SNED1: variants seen among roughly 807,000 people sequenced by gnomAD.
SNED1 encodes the protein sushi, nidogen and EGF-like domain-containing protein 1.
A neutral mutation model predicts 166.7 loss-of-function variants in SNED1; 81 were observed. That is an observed-to-expected ratio of 0.49 (90% CI 0.41 to 0.58). The LOEUF is 0.58. Ranked by LOEUF, SNED1 falls within the 20% of genes least tolerant of loss-of-function variation. The probability of loss-of-function intolerance (pLI) is 0.00; values close to 1 mark genes in which losing one functional copy is unlikely to be tolerated. For synonymous variants in SNED1, 762 were observed against 822.0 expected (o/e 0.93, Z 1.25); for missense variants, 1,604 against 2,000.2 (o/e 0.80, Z 3.78).
intron 6 of SNED1, among the ~76,000 whole-genome samples, chr2:241,038,808 C>A (rs776616266): frequency 6.6e-6 from 1 of 152,214 alleles, no homozygotes. Context: ...TCTCCCTGTG[C>A]GGTGCTGGCC....
chr2:241,089,162 C>A, intron 31 of SNED1: 1 of 798,302 alleles, frequency 1.3e-6, no homozygotes, highest in Non-Finnish European at 1.9e-6. Flanking sequence ...AAGCCATCTA[C>A]AACCTGTTAC....
chr2:241,058,363 T>C (rs529811898), intron 16 of SNED1, among the ~76,000 whole-genome samples: 4 of 152,140 alleles, frequency 2.6e-5, no homozygotes, highest in Non-Finnish European at 5.9e-5. Context: ...ATTAATTAAA[T>C]GTCTGACTTC....
intron 6 of SNED1, among the ~76,000 whole-genome samples, chr2:241,038,837 G>A (rs1385021243): frequency 6.6e-6 from 1 of 152,230 alleles, no homozygotes; most frequent in Non-Finnish European, 1.5e-5. Context: ...GGCTGCGGGA[G>A]GACCCAGGCC....
rs574928163 is a variant in SNED1 at position 241,053,262 on chromosome 2, C to G, written c.2193C>G (p.Ser731Arg). The change falls in exon 16 of 32, where the codon AGC (serine) becomes AGG (arginine). Residue 731 changes from serine (S) to arginine (R), a missense_variant. This residue lies in a region of SNED1 where 1,237 missense variants were observed against 1,620.8 expected (regional missense o/e 0.76). Transcript: ENST00000310397. ...LYACDRGYSL[S>R]APSRIRVCQP... is the part of the protein sequence containing the mutation. The stretch of plus-strand genomic sequence containing the variant: ...CATGTGACCGTGGCTACAGCCTGAG[C>G]GCCCCCAGCCGCATCCGGGTCTGCC... 6.2e-7 allele frequency: 1 copy of G among 1,602,528 alleles called. No homozygotes were observed. The highest frequency in any genetic ancestry group is 8.5e-7 in the Non-Finnish European group (1 of 1,174,900).
At chr2:241,026,154 T>G (rs2060963028) in intron 1 of SNED1, among the ~76,000 whole-genome samples, 1 of 151,662 alleles carries the variant, frequency 6.6e-6, no homozygotes, top group Non-Finnish European at 1.5e-5. Flanking sequence ...TAGCTGGGAT[T>G]ACAGGCACCC....
rs748323940 is a variant in SNED1, at chr2:241,036,869, C to T, written c.885C>T (p.Tyr295=). 1.9e-6 allele frequency: 3 copies of T among 1,611,860 alleles called. No homozygotes were observed. The East Asian group carries it at 6.7e-5, about 36-fold the overall frequency. The change falls in exon 5 of 32, where the codon TAC becomes TAT. Residue 295 remains tyrosine, a synonymous_variant. Coordinates refer to ENST00000310397, the MANE Select transcript of SNED1 (RefSeq NM_001080437.3). ...IDDCVTGNPS[Y]TCSCLSGFTG... Reference sequence around the variant, plus strand: ...ACTGCGTCACGGGCAACCCCTCCTACACCTGCTCCTGCCTCTCGGGCTTCA... The same window carrying T: ...ACTGCGTCACGGGCAACCCCTCCTATACCTGCTCCTGCCTCTCGGGCTTCA...
In SNED1 at chr2:241,068,669, C is replaced by A. The variant is rs1223422469; in HGVS notation, c.3195-242C>A. Among the ~76,000 whole-genome samples, 1 of 151,978 alleles carries A rather than the reference C, an allele frequency of 6.6e-6. No homozygotes were observed. The highest frequency in any genetic ancestry group is 2.4e-5 in the African/African-American group (1 of 41,368). On this transcript the variant is annotated intron_variant, in intron 22 of 31. Transcript: ENST00000310397. The surrounding 1 kb of genome is among the most constrained non-coding windows in gnomAD (Gnocchi z 5.3). The stretch of plus-strand genomic sequence containing the variant: ...GCTGAACACCGGCCCTCTGACCATA[C>A]TGTAGCAGCCCCAAGCGCACCCGAT...
rs759350208 is a variant in SNED1 at position 241,056,175 on chromosome 2, C to G, written c.2257+2849C>G. On this transcript the variant is annotated intron_variant, in intron 16 of 31. Coordinates refer to ENST00000310397, the MANE Select transcript of SNED1 (RefSeq NM_001080437.3). ...AAATTTTCTTTATGTTAAAGAAAAACGAGAGGCAGAATGATTGAGAGAATA... is the reference window on the plus strand; with the variant it reads ...AAATTTTCTTTATGTTAAAGAAAAAGGAGAGGCAGAATGATTGAGAGAATA... Among the ~76,000 whole-genome samples the G allele has an allele frequency of 1.1e-4, 16 of 151,738 alleles. No individual in the cohort carries two copies. The South Asian group carries it at 3.1e-3, about 30-fold the overall frequency.
At chr2:241,087,663 A>C (rs1407302232) in intron 30 of SNED1, 188 bp downstream of exon 30, 5 of 1,392,346 alleles carry the variant, frequency 3.6e-6, no homozygotes, top group Admixed American at 3.3e-5. Flanking sequence ...GCATGTGAGC[A>C]TACCCAGAGG....
At chr2:241,008,280 C>G (rs1159296438) in intron 1 of SNED1, among the ~76,000 whole-genome samples, 1 of 152,230 alleles carries the variant, frequency 6.6e-6, no homozygotes, top group Non-Finnish European at 1.5e-5. Context: ...GGAAGCACAG[C>G]CCCTCCCTCC....
chr2:241,003,813 A>G (rs2060141116), intron 1 of SNED1, among the ~76,000 whole-genome samples: 1 of 152,258 alleles, frequency 6.6e-6, no homozygotes, highest in Non-Finnish European at 1.5e-5. Flanking sequence ...GTTATCTGTG[A>G]CACTTCTGTG....
rs1308442233 is a variant in SNED1, at chr2:241,033,847, C to T, written c.614C>T (p.Ala205Val). ...ACACACGCCAGCAGCGGGGGCAACG[C>T]CACTGGCCTCGGGGGCATCGCAGCC... is the stretch of plus-strand genomic sequence containing the variant. ...TGTHASSGGN[A>V]TGLGGIAAQA... Residue 205 changes from alanine (A) to valine (V), a missense_variant, in exon 3 of 32, where the codon GCC (alanine) becomes GTC (valine). Physicochemically the swap from Ala to Val is moderately conservative, Grantham distance 64 (BLOSUM62 0). Coordinates refer to ENST00000310397, the MANE Select transcript of SNED1 (RefSeq NM_001080437.3). 1 of 1,607,188 alleles carries T rather than the reference C, an allele frequency of 6.2e-7. No individual in the cohort carries two copies. The highest frequency in any genetic ancestry group is 1.7e-5 in the Admixed American group (1 of 59,218).
Position 240,998,919 on chromosome 2 carries a change from C to G in SNED1, c.82C>G (p.Leu28Val). Reference sequence around the variant, plus strand: ...GCGCGGGGTGCGCGGCGCGGTGGCCCTTGCCGACTTCTACCCGTTCGGCGC... The same window carrying G: ...GCGCGGGGTGCGCGGCGCGGTGGCCGTTGCCGACTTCTACCCGTTCGGCGC... ...GARGVRGAVA[L>V]ADFYPFGAER... Residue 28 changes from leucine to valine, a missense_variant, in exon 1 of 32, where the codon CTT becomes GTT. Transcript: ENST00000310397. 1 of 1,255,946 alleles carries G rather than the reference C, an allele frequency of 8.0e-7. No homozygotes were observed. The highest frequency in any genetic ancestry group is 1.0e-6 in the Non-Finnish European group (1 of 1,000,086). The allele number at this position is 1,255,946 out of a possible 1,614,324, so 77.8% of individuals were successfully genotyped here. A position where few individuals can be genotyped will look rare whatever the true frequency, so the allele number is the denominator to read the frequency against.
At chr2:241,074,292 C>G (rs1014941610) in intron 27 of SNED1, 6 of 152,160 alleles carry the variant, frequency 3.9e-5, no homozygotes, top group Admixed American at 1.3e-4. Context: ...CACCATCCCC[C>G]CCCCGCCCTC....
rs74868403 is a variant in SNED1, at chr2:241,054,182, A to G, written c.2257+856A>G. On this transcript the variant is annotated intron_variant, in intron 16 of 31. Coordinates refer to ENST00000310397, the MANE Select transcript of SNED1 (RefSeq NM_001080437.3). ...GTCTTGGAGATGACCCCCCCTCCCA[A>G]TGCTACTTCCCCACCTATATGTTGC... 8.7e-3 allele frequency among the ~76,000 whole-genome samples: 1,322 copies of G among 152,200 alleles called. 79 individuals are homozygous for G. The South Asian group carries it at 0.12, about 13-fold the overall frequency.
intron 1 of SNED1, among the ~76,000 whole-genome samples, chr2:241,012,326 C>T (rs1192020859): frequency 1.3e-5 from 2 of 152,114 alleles, no homozygotes; most frequent in Non-Finnish European, 2.9e-5. Context: ...CATAAACGTG[C>T]AAAAAAAGAT....
chr2:241,034,440 T>C (rs2061282288), intron 3 of SNED1, 128 bp from the exon 4 acceptor site: 8 of 846,430 alleles, frequency 9.5e-6, no homozygotes, highest in Middle Eastern at 3.7e-4. Context: ...CCAGGAACGG[T>C]TGGCTGAGGT....
intron 1 of SNED1, among the ~76,000 whole-genome samples, chr2:241,011,443 C>T (rs74004214): frequency 0.13 from 19,972 of 152,180 alleles, 1,429 homozygotes; most frequent in Non-Finnish European, 0.17. Flanking sequence ...GAGGTGCCAG[C>T]GCTGGGCAGC....
chr2:241,007,881 G>T (rs1306829839), intron 1 of SNED1, among the ~76,000 whole-genome samples: 1 of 152,192 alleles, frequency 6.6e-6, no homozygotes, highest in Non-Finnish European at 1.5e-5. Flanking sequence ...ATCGATGTGT[G>T]TCTGTCCTAC....
Sources: allele counts gnomAD v4.1 joint callset (sites outside exome capture counted in the v4.1 genomes callset), GRCh38; gene constraint gnomAD v4.1.1; regional missense constraint gnomAD v4.1.1; non-coding constraint Gnocchi (gnomAD v3.1); transcripts MANE v1.5; gene names NCBI Gene and HGNC (gene_info 2026-07-23, HGNC 2026-07-21).